MPDZ: variants seen among roughly 807,000 people sequenced by gnomAD.
MPDZ encodes multiple PDZ domain protein.
MPDZ carries 234 observed loss-of-function variants against 239.1 expected under a neutral mutation model. The ratio of observed to expected loss-of-function variants is 0.98; its 90% CI spans 0.88 to 1.09. The LOEUF (loss-of-function observed/expected upper bound fraction) is 1.09. Among genes scored for constraint, MPDZ ranks in the 50% least tolerant of loss-of-function variants. The pLI is 0.00. For synonymous variants in MPDZ, 1,048 were observed against 881.3 expected (o/e 1.19, Z -3.35); for missense variants, 3,175 against 2,510.0 (o/e 1.26, Z -5.66).
At chr9:13,249,789 CAT>C (rs926937044) in intron 2 of MPDZ, among the ~76,000 whole-genome samples, 9 of 152,178 alleles carry the variant, frequency 5.9e-5, no homozygotes, top group Non-Finnish European at 1.2e-4. Flanking sequence ...TTTATTAACA[CAT>C]GAGTCTGGGA....
chr9:13,147,178 C>A (rs1352907803), intron 26 of MPDZ, among the ~76,000 whole-genome samples: 1 of 151,896 alleles, frequency 6.6e-6, no homozygotes, highest in East Asian at 1.9e-4. Flanking sequence ...AATGTCATTT[C>A]TTTGGTTTCT....
Position 13,177,795 on chromosome 9 carries a change from G to A in MPDZ, c.2650-1378C>T, listed in dbSNP as rs145912767. 1.9e-3 allele frequency among the ~76,000 whole-genome samples: 290 copies of A among 152,222 alleles called. 3 individuals are homozygous for A. The highest frequency in any genetic ancestry group is 6.5e-3 in the African/African-American group (268 of 41,538). On this transcript the variant is annotated intron_variant, in intron 19 of 46. Coordinates refer to ENST00000319217, the MANE Select transcript of MPDZ (RefSeq NM_001378778.1). Reference sequence around the variant, plus strand: ...ATAGAAACTAATACAGGACTTTTGGGAGGACAGAGAGTATTCATATCCACA... The same window carrying A: ...ATAGAAACTAATACAGGACTTTTGGAAGGACAGAGAGTATTCATATCCACA...
At chr9:13,138,960 G>A (rs1301358972) in intron 28 of MPDZ, among the ~76,000 whole-genome samples, 1 of 152,156 alleles carries the variant, frequency 6.6e-6, no homozygotes, top group Non-Finnish European at 1.5e-5. Flanking sequence ...ATTTTGGGGT[G>A]GCTTCATAAT....
intron 22 of MPDZ, among the ~76,000 whole-genome samples, chr9:13,164,727 C>A (rs1294355064): frequency 6.6e-6 from 1 of 152,038 alleles, no homozygotes; most frequent in Non-Finnish European, 1.5e-5. Flanking sequence ...TGATACTTTG[C>A]ATAGCAGTGA....
chr9:13,176,161 G>A lies in MPDZ; in HGVS notation c.2906C>T (p.Ser969Phe). Residue 969 changes from serine (S) to phenylalanine (F), a missense_variant, in exon 20 of 47, where the codon TCT becomes TTT. Physicochemically the swap from Ser to Phe is radical, Grantham distance 155 (BLOSUM62 -2). Coordinates refer to ENST00000319217, the MANE Select transcript of MPDZ (RefSeq NM_001378778.1). ...CTTTCCAGCTGAATCGGGTAGCACA[G>A]AAGGAAGTTCTGCACTTGATATAAC... ...SEVISSAELP[S>F]VLPDSAGKGS... 1.2e-6 allele frequency: 2 copies of A among 1,601,492 alleles called. No homozygotes were observed. The highest frequency in any genetic ancestry group is 1.7e-6 in the Non-Finnish European group (2 of 1,172,984).
At chr9:13,109,920 A>T in intron 45 of MPDZ, 32 bp downstream of exon 45, 1 of 1,547,984 alleles carries the variant, frequency 6.5e-7, no homozygotes, top group Non-Finnish European at 8.9e-7. Flanking sequence ...ATAAGTGAAA[A>T]ATGATACACT....
chr9:13,136,348 T>TTTTTTTTTTTATA (rs1946781799), intron 30 of MPDZ, among the ~76,000 whole-genome samples, 166 bp from the exon 31 acceptor site: 1 of 142,800 alleles, frequency 7.0e-6, no homozygotes, highest in African/African-American at 2.6e-5. Context: ...TTTTTTTTTT[T>TTTTTTTTTTTATA]TGAGACAGAG....
At chr9:13,269,404 C>T (rs1014992701) in intron 1 of MPDZ, among the ~76,000 whole-genome samples, 1 of 152,046 alleles carries the variant, frequency 6.6e-6, no homozygotes, top group South Asian at 2.1e-4. Flanking sequence ...TCTCTCAGGG[C>T]TATATCCCCA....
In MPDZ at chr9:13,188,823, C is replaced by A. The variant is rs373568505; in HGVS notation, c.2325G>T (p.Pro775=). ...CAACTCCTATTCTCACAGTCCCTGACGGTGCTCCCTTCAGTGCTTCTACAG... is the reference window on the plus strand; with the variant it reads ...CAACTCCTATTCTCACAGTCCCTGAAGGTGCTCCCTTCAGTGCTTCTACAG... ...EEAVEALKGA[P]SGTVRIGVAK... is the part of the protein sequence containing the mutation. The change falls in exon 17 of 47, where the codon CCG becomes CCT. Residue 775 remains proline (P), a synonymous_variant. Transcript: ENST00000319217. The A allele has an allele frequency of 5.6e-6, 9 of 1,613,354 alleles. No individual in the cohort carries two copies. The South Asian group carries it at 9.9e-5, about 18-fold the overall frequency.
intron 19 of MPDZ, among the ~76,000 whole-genome samples, chr9:13,176,646 G>A (rs568956057): frequency 2.0e-5 from 3 of 152,048 alleles, no homozygotes; most frequent in African/African-American, 4.8e-5. Flanking sequence ...TACATCTCAC[G>A]TTCTACTGAG....
At chr9:13,247,545 C>T in intron 3 of MPDZ, 90 bp downstream of exon 3, 3 of 1,394,662 alleles carry the variant, frequency 2.2e-6, no homozygotes, top group South Asian at 1.4e-5. Flanking sequence ...TTCATTAACA[C>T]ATAGAAAAAT....
chr9:13,154,287 GA>G (rs1372692706), intron 24 of MPDZ, among the ~76,000 whole-genome samples: 1 of 152,038 alleles, frequency 6.6e-6, no homozygotes, highest in East Asian at 1.9e-4. Flanking sequence ...AGGAGGCCTA[GA>G]AAAGAAACTA....
chr9:13,208,782 C>A (rs539125846), intron 10 of MPDZ, among the ~76,000 whole-genome samples: 4 of 151,804 alleles, frequency 2.6e-5, no homozygotes, highest in African/African-American at 9.7e-5. Context: ...ATCCAGAAAC[C>A]TCTGATCTAG....
chr9:13,143,092 G>GTA (rs1246168101), intron 27 of MPDZ, among the ~76,000 whole-genome samples: 1 of 152,086 alleles, frequency 6.6e-6, no homozygotes, highest in Non-Finnish European at 1.5e-5. Context: ...CCTTGTAGAA[G>GTA]TATGAAAAGG....
intron 11 of MPDZ, 22 bp downstream of exon 11, chr9:13,205,894 A>C: frequency 1.3e-6 from 2 of 1,540,240 alleles, no homozygotes; most frequent in Non-Finnish European, 1.7e-6. Flanking sequence ...TCTAACTAAA[A>C]ACCAGATTAA....
At chr9:13,108,370 C>G (rs1036645173) in intron 46 of MPDZ, among the ~76,000 whole-genome samples, 1 of 152,188 alleles carries the variant, frequency 6.6e-6, no homozygotes, top group East Asian at 1.9e-4. Flanking sequence ...TATAACTATA[C>G]AGTCTTTTTA....
chr9:13,121,017 T>C (rs1423689001), intron 38 of MPDZ, among the ~76,000 whole-genome samples: 1 of 152,228 alleles, frequency 6.6e-6, no homozygotes, highest in African/African-American at 2.4e-5. Flanking sequence ...GCTGGATTAT[T>C]TGTTAATATC....
At position 13,175,756 on chromosome 9, in the gene MPDZ, G is replaced by A; in HGVS notation, c.3051C>T (p.Ser1017=). The A allele has an allele frequency of 6.4e-7, 1 of 1,568,780 alleles. No individual in the cohort carries two copies. Among genetic ancestry groups the A allele is most frequent in the Non-Finnish European group, 8.7e-7 (1 of 1,154,878 alleles). Residue 1017 remains serine, a synonymous_variant, in exon 21 of 47, where the codon AGC becomes AGT. Transcript: ENST00000319217. ...TGAGGAAAATGAGAAACTTACCTAG[G>A]CTAGAATTGCCTTTTGCTATATTAA... ...RTINIAKGNS[S]LGMTVSANKD...
chr9:13,257,352 G>A (rs890426563), intron 1 of MPDZ, among the ~76,000 whole-genome samples: 1 of 152,070 alleles, frequency 6.6e-6, no homozygotes, highest in Non-Finnish European at 1.5e-5. Context: ...AAAAGGACAG[G>A]TCAAGGTCTT....
Sources: gnomAD v4.1 joint callset for allele counts (sites outside exome capture counted in the v4.1 genomes callset) on GRCh38, gnomAD v4.1.1 for gene constraint, MANE v1.5 for transcripts, NCBI Gene and HGNC (gene_info 2026-07-23, HGNC 2026-07-21) for gene names.